Variants in DENND11 observed in about 807,000 individuals in gnomAD.
DENND11 encodes the protein DENN domain-containing protein 11.
DENND11 carries 34 observed loss-of-function variants against 49.2 expected under a neutral mutation model. That is an observed-to-expected ratio of 0.69 (90% confidence interval 0.53 to 0.92). The LOEUF is 0.92. Among genes scored for constraint, DENND11 ranks in the 40% least tolerant of loss-of-function variants. DENND11 has a pLI of 0.00. For synonymous variants in DENND11, 238 were observed against 230.3 expected (o/e 1.03, Z -0.30); for missense variants, 475 against 581.6 (o/e 0.82, Z 1.88).
At chr7:141,674,513 G>A (rs1192855031) in intron 3 of DENND11, among the ~76,000 whole-genome samples, 2 of 152,162 alleles carry the variant, frequency 1.3e-5, no homozygotes, top group African/African-American at 4.8e-5. Flanking sequence ...TATGACTAAT[G>A]TCTATTGTTC....
chr7:141,690,697 G>A (rs1300365170), intron 1 of DENND11, among the ~76,000 whole-genome samples: 1 of 152,160 alleles, frequency 6.6e-6, no homozygotes, highest in Non-Finnish European at 1.5e-5. Context: ...GATTCCCAAA[G>A]TAGTATTTCC....
At chr7:141,669,050 C>T (rs1203183515) in intron 4 of DENND11, among the ~76,000 whole-genome samples, 1 of 152,186 alleles carries the variant, frequency 6.6e-6, no homozygotes, top group African/African-American at 2.4e-5. Context: ...GGGAAGCCCT[C>T]CACTCCCGGG....
chr7:141,681,706 A>G (rs1034067851), intron 3 of DENND11, among the ~76,000 whole-genome samples: 26 of 152,226 alleles, frequency 1.7e-4, no homozygotes, highest in African/African-American at 6.3e-4. Context: ...GTATTGTCAC[A>G]TGCTTGGCTT....
In DENND11 at chr7:141,702,097, G is replaced by A; in HGVS notation, c.57C>T (p.Val19=). Reference sequence around the variant, plus strand: ...GCGGCTGCGGGGCCTGCGGCAGGGAGACGGCGGGGCCCTCGGCCCAGCGCA... The same window carrying A: ...GCGGCTGCGGGGCCTGCGGCAGGGAAACGGCGGGGCCCTCGGCCCAGCGCA... ...PLLRWAEGPA[V]SLPQAPQPQA... is the part of the protein sequence containing the mutation. The change falls in exon 1 of 9, where the codon GTC becomes GTT. Residue 19 remains valine, a synonymous_variant. Coordinates refer to ENST00000536163, the MANE Select transcript of DENND11 (RefSeq NM_001080392.2). 2.0e-6 allele frequency: 2 copies of A among 984,994 alleles called. No individual in the cohort carries two copies. The highest frequency in any genetic ancestry group is 2.4e-6 in the Non-Finnish European group (2 of 831,040). The allele number at this position is 984,994 out of a possible 1,614,324, so 61.0% of individuals were successfully genotyped here. A position where few individuals can be genotyped will look rare whatever the true frequency, so the allele number is the denominator to read the frequency against.
At chr7:141,678,933 T>C (rs890126852) in intron 3 of DENND11, among the ~76,000 whole-genome samples, 1 of 152,178 alleles carries the variant, frequency 6.6e-6, no homozygotes, top group Non-Finnish European at 1.5e-5. Flanking sequence ...ATGAAATAGT[T>C]CTCCAATATC....
Position 141,699,916 on chromosome 7 carries a change from T to TCACA in DENND11, c.268+1966_268+1969dup, listed in dbSNP as rs145606748. On this transcript the variant is annotated intron_variant, in intron 1 of 8. Transcript: ENST00000536163. Reference sequence around the variant, plus strand: ...GTAGCCTTAGTCTGAAAACCATCACTCACACACACACACACACACACACAC... The same window carrying TCACA: ...GTAGCCTTAGTCTGAAAACCATCACTCACACACACACACACACACACACACACAC... 9.4e-3 allele frequency among the ~76,000 whole-genome samples: 1,385 copies of TCACA among 146,878 alleles called. 13 individuals carry two copies. Among genetic ancestry groups the TCACA allele is most frequent in the African/African-American group, 0.031 (1,242 of 40,330 alleles).
At position 141,656,939 on chromosome 7, in the gene DENND11, G is replaced by A. The variant is rs1010285422; in HGVS notation, c.*5717C>T. ...TTAGGCCTTAAAATTACCACCACTG[G>A]AAACAGAGAGAGAGCACGGCATACC... is the stretch of plus-strand genomic sequence containing the variant. On this transcript the variant is annotated 3_prime_UTR_variant, in exon 9 of 9. Coordinates refer to ENST00000536163, the MANE Select transcript of DENND11 (RefSeq NM_001080392.2). 1 of 152,754 alleles carries A rather than the reference G, an allele frequency of 6.5e-6. No individual in the cohort carries two copies. The highest frequency in any genetic ancestry group is 1.5e-5 in the Non-Finnish European group (1 of 68,084). 9.5% of individuals were successfully genotyped at this position (152,754 alleles called of 1,614,324 possible).
At chr7:141,679,108 T>A (rs1798109699) in intron 3 of DENND11, among the ~76,000 whole-genome samples, 1 of 152,232 alleles carries the variant, frequency 6.6e-6, no homozygotes, top group Admixed American at 6.5e-5. Context: ...TATGTAAAAG[T>A]TGCTGCTGTA....
In DENND11 at chr7:141,673,974, G is replaced by T. The variant is rs996247665; in HGVS notation, c.681+93C>A. Reference sequence around the variant, plus strand: ...AAGTAGACATTTTGTATGATCCAAAGACATAAATTTTTTATTCATTAAAAA... The same window carrying T: ...AAGTAGACATTTTGTATGATCCAAATACATAAATTTTTTATTCATTAAAAA... On this transcript the variant is annotated intron_variant, in intron 4 of 8. Coordinates refer to ENST00000536163, the MANE Select transcript of DENND11 (RefSeq NM_001080392.2). 4.2e-6 allele frequency: 6 copies of T among 1,415,890 alleles called. No individual in the cohort carries two copies. In the Admixed American group the frequency reaches 9.0e-5, roughly 21 times the overall value. 87.7% of individuals were successfully genotyped at this position (1,415,890 alleles called of 1,614,324 possible).
intron 1 of DENND11, among the ~76,000 whole-genome samples, chr7:141,694,065 A>G (rs1214332442): frequency 6.6e-6 from 1 of 152,188 alleles, no homozygotes; most frequent in Non-Finnish European, 1.5e-5. Context: ...TATGTGTATG[A>G]GTGAGGGGGA....
intron 4 of DENND11, among the ~76,000 whole-genome samples, chr7:141,667,012 C>T (rs969762795): frequency 1.4e-4 from 21 of 152,154 alleles, no homozygotes; most frequent in Admixed American, 3.3e-4. Flanking sequence ...GCAACCTCTA[C>T]CTCCTGGGTT....
intron 3 of DENND11, among the ~76,000 whole-genome samples, chr7:141,682,299 T>C (rs536223535): frequency 2.0e-5 from 3 of 152,296 alleles, no homozygotes; most frequent in Admixed American, 1.3e-4. Context: ...CATGGATACC[T>C]GAGTGGCCAG....
intron 4 of DENND11, among the ~76,000 whole-genome samples, chr7:141,667,917 C>G (rs1046756536): frequency 1.4e-4 from 22 of 152,222 alleles, no homozygotes; most frequent in African/African-American, 5.3e-4. Context: ...TACTCCTCTG[C>G]CACCGCAACC....
chr7:141,690,602 A>G (rs977896321), intron 1 of DENND11, among the ~76,000 whole-genome samples: 3 of 152,176 alleles, frequency 2.0e-5, no homozygotes, highest in Non-Finnish European at 2.9e-5. Flanking sequence ...GACCAACACA[A>G]TATGCACATT....
intron 4 of DENND11, among the ~76,000 whole-genome samples, chr7:141,667,024 G>A (rs1212974113): frequency 6.6e-6 from 1 of 152,114 alleles, no homozygotes; most frequent in African/African-American, 2.4e-5. Context: ...TCCTGGGTTT[G>A]ATTTTCCTAC....
chr7:141,685,030 ATATATATATATAT>A (rs1249333907), intron 3 of DENND11, among the ~76,000 whole-genome samples: 6 of 67,712 alleles, frequency 8.9e-5, no homozygotes, highest in Non-Finnish European at 1.6e-4. Context: ...AAAAAAAAAA[ATATATATATATAT>A]ATATATATAT....
In DENND11 at chr7:141,702,143, T is replaced by A. The variant is rs1020916196; in HGVS notation, c.11A>T (p.Gln4Leu). The A allele has an allele frequency of 1.0e-6, 1 of 981,834 alleles. No individual in the cohort carries two copies. Among genetic ancestry groups the A allele is most frequent in the African/African-American group, 1.8e-5 (1 of 56,612 alleles). The allele number at this position is 981,834 out of a possible 1,614,324, so 60.8% of individuals were successfully genotyped here. Residue 4 changes from glutamine (Q) to leucine (L), a missense_variant, in exon 1 of 9, where the codon CAG (glutamine) becomes CTG (leucine). Coordinates refer to ENST00000536163, the MANE Select transcript of DENND11 (RefSeq NM_001080392.2). ...GCGCAGCAGCGGCGCCGCGTCTCCC[T>A]GCTCCACCATGGCTAGGCGAGGCGG... MVE[Q>L]GDAAPLLRWA...
chr7:141,687,631 A>ACTTTTTTTT (rs1554410465), intron 1 of DENND11, among the ~76,000 whole-genome samples: 56 of 112,794 alleles, frequency 5.0e-4, no homozygotes, highest in African/African-American at 1.7e-3. Flanking sequence ...CACTCGGCTA[A>ACTTTTTTTT]TTTTTTTTTT....
In DENND11 at chr7:141,667,664, G is replaced by A. The variant is rs540866730; in HGVS notation, c.682-1239C>T. Among the ~76,000 whole-genome samples the A allele has an allele frequency of 8.4e-4, 128 of 152,176 alleles. 1 individual carries two copies. The highest frequency in any genetic ancestry group is 2.9e-3 in the African/African-American group (121 of 41,516). On this transcript the variant is annotated intron_variant, in intron 4 of 8. Transcript: ENST00000536163. ...ACTTCTGAGAGAGGCACCGACTCTC[G>A]GGCTGCGTGCTAGGGTTTAACAACC... is the stretch of plus-strand genomic sequence containing the variant.
Sources: allele counts gnomAD v4.1 joint callset (sites outside exome capture counted in the v4.1 genomes callset), GRCh38; gene constraint gnomAD v4.1.1; transcripts MANE v1.5; gene names NCBI Gene and HGNC (gene_info 2026-07-23, HGNC 2026-07-21).